The following DOK6 variants were observed in gnomAD, a reference collection of about 807,000 sequenced individuals.
DOK6 encodes the protein docking protein 6, also known as downstream of tyrosine kinase 6.
DOK6 carries 22 observed loss-of-function variants against 44.0 expected under a neutral mutation model. The ratio of observed to expected loss-of-function variants is 0.50; its 90% confidence interval spans 0.36 to 0.71. DOK6 has a LOEUF of 0.71. Among genes scored for constraint, DOK6 ranks in the 30% least tolerant of loss-of-function variants. The probability of loss-of-function intolerance (pLI) is 0.00; values close to 1 mark genes in which losing one functional copy is unlikely to be tolerated. For missense variants in DOK6, 340 were observed against 416.4 expected, an observed-to-expected ratio of 0.82 and a Z score of 1.60; for synonymous variants, 166 against 145.5, an observed-to-expected ratio of 1.14 and a Z score of -1.01.
At chr18:69,620,297 A>G (rs1009830643) in intron 3 of DOK6, among the ~76,000 whole-genome samples, 1 of 152,154 alleles carries the variant, frequency 6.6e-6, no homozygotes, top group Non-Finnish European at 1.5e-5. Context: ...TCCAGATTGT[A>G]TTTGTGAACA....
At chr18:69,671,965 T>A (rs1985808674) in intron 3 of DOK6, among the ~76,000 whole-genome samples, 1 of 152,184 alleles carries the variant, frequency 6.6e-6, no homozygotes, top group Non-Finnish European at 1.5e-5. Context: ...CTTAGGGGCG[T>A]CTACGGCCAT....
intron 5 of DOK6, among the ~76,000 whole-genome samples, chr18:69,716,257 T>C (rs532129186): frequency 6.6e-6 from 1 of 152,340 alleles, no homozygotes; most frequent in African/African-American, 2.4e-5. Flanking sequence ...GAATTTGTAA[T>C]TTGAGGCTCA....
At chr18:69,755,629 T>A (rs776837390) in intron 6 of DOK6, among the ~76,000 whole-genome samples, 3 of 152,238 alleles carry the variant, frequency 2.0e-5, no homozygotes, top group Non-Finnish European at 4.4e-5. Context: ...GAGCCTGGCC[T>A]CTAGTTCTTT....
intron 3 of DOK6, among the ~76,000 whole-genome samples, chr18:69,666,918 G>A (rs1985673932): frequency 6.6e-6 from 1 of 152,180 alleles, no homozygotes. Context: ...TTCGTTTTAA[G>A]GAAATAAGTC....
intron 1 of DOK6, among the ~76,000 whole-genome samples, chr18:69,430,847 T>C (rs1978786285): frequency 6.6e-6 from 1 of 152,112 alleles, no homozygotes; most frequent in Admixed American, 6.6e-5. Flanking sequence ...GTGCCTGTGG[T>C]CCCAGCTACT....
chr18:69,414,628 G>GA (rs1415757538), intron 1 of DOK6, among the ~76,000 whole-genome samples: 2 of 152,004 alleles, frequency 1.3e-5, no homozygotes, highest in African/African-American at 4.8e-5. Context: ...AAAGAATGGG[G>GA]AATCCTTTTG....
intron 1 of DOK6, among the ~76,000 whole-genome samples, chr18:69,526,408 C>T (rs1981832294): frequency 6.6e-6 from 1 of 152,114 alleles, no homozygotes; most frequent in Non-Finnish European, 1.5e-5. Context: ...AGTATTGTGG[C>T]ATGTATCAGT....
intron 1 of DOK6, among the ~76,000 whole-genome samples, chr18:69,468,246 T>C (rs1304320189): frequency 6.6e-6 from 1 of 152,198 alleles, no homozygotes; most frequent in Non-Finnish European, 1.5e-5. Flanking sequence ...AAATAATGAA[T>C]ACTTATTTAA....
intron 3 of DOK6, among the ~76,000 whole-genome samples, chr18:69,609,049 C>T (rs1984072463): frequency 6.6e-6 from 1 of 151,480 alleles, no homozygotes; most frequent in South Asian, 2.1e-4. Flanking sequence ...TTGTAAAACT[C>T]CAAGAAGAAA....
chr18:69,801,120 T>C (rs1022968960), intron 7 of DOK6, among the ~76,000 whole-genome samples: 4 of 146,610 alleles, frequency 2.7e-5, no homozygotes, highest in African/African-American at 1.0e-4. Context: ...TTTTGTTTTG[T>C]TTTGTTTTGT....
At chr18:69,836,328 G>A (rs905337075) in intron 7 of DOK6, among the ~76,000 whole-genome samples, 1 of 151,722 alleles carries the variant, frequency 6.6e-6, no homozygotes, top group Non-Finnish European at 1.5e-5. Context: ...GCAGAATAAA[G>A]CAAATGTTTT....
intron 7 of DOK6, among the ~76,000 whole-genome samples, chr18:69,810,137 T>C (rs868293816): frequency 6.6e-6 from 1 of 152,026 alleles, no homozygotes; most frequent in East Asian, 1.9e-4. Flanking sequence ...AGCAGACACA[T>C]AGACCAATGG....
intron 1 of DOK6, among the ~76,000 whole-genome samples, chr18:69,410,476 G>A (rs955076595): frequency 3.3e-5 from 5 of 152,206 alleles, no homozygotes; most frequent in Non-Finnish European, 7.4e-5. Flanking sequence ...TTGTTAGTGC[G>A]AAGACCTCTG....
chr18:69,509,206 C>T (rs1981278999), intron 1 of DOK6, among the ~76,000 whole-genome samples: 1 of 152,146 alleles, frequency 6.6e-6, no homozygotes, highest in Non-Finnish European at 1.5e-5. Context: ...TTACCAAGTC[C>T]TGGTTCCCAG....
intron 7 of DOK6, among the ~76,000 whole-genome samples, chr18:69,819,101 C>G (rs1417796438): frequency 6.6e-6 from 1 of 152,156 alleles, no homozygotes; most frequent in Non-Finnish European, 1.5e-5. Context: ...CTCACAAGTA[C>G]ACAAGGGTAT....
intron 1 of DOK6, among the ~76,000 whole-genome samples, chr18:69,499,499 TTC>T (rs901468534): frequency 7.2e-5 from 11 of 152,200 alleles, no homozygotes; most frequent in South Asian, 6.2e-4. Context: ...GGGCAGATTT[TTC>T]TCTGTTTTAA....
chr18:69,664,374 AC>A (rs1446610874), intron 3 of DOK6, among the ~76,000 whole-genome samples: 1 of 152,240 alleles, frequency 6.6e-6, no homozygotes, highest in African/African-American at 2.4e-5. Flanking sequence ...TATGAGCTGT[AC>A]AATACTTCAT....
chr18:69,790,736 C>T (rs1431973921), intron 7 of DOK6, among the ~76,000 whole-genome samples: 1 of 152,014 alleles, frequency 6.6e-6, no homozygotes, highest in African/African-American at 2.4e-5. Context: ...ACAATCACAT[C>T]AGGGGAGTAT....
chr18:69,447,791 C>G (rs1979339182), intron 1 of DOK6, among the ~76,000 whole-genome samples: 1 of 152,182 alleles, frequency 6.6e-6, no homozygotes. Context: ...TCTTGATATT[C>G]TGGTATAAAC....
Sources: gnomAD v4.1 joint callset for allele counts (sites outside exome capture counted in the v4.1 genomes callset) on GRCh38, gnomAD v4.1.1 for gene constraint, MANE v1.5 for transcripts, NCBI Gene and HGNC (gene_info 2026-07-23, HGNC 2026-07-21) for gene names.